Variants in DDX10 observed in about 807,000 individuals in gnomAD.
DDX10 encodes DEAD-box helicase 10.
In DDX10, 74 loss-of-function variants were observed where a neutral mutation model predicts 104.3. The observed-to-expected ratio is 0.71, with a 90% CI of 0.59 to 0.86. The LOEUF is 0.86. Ranked by LOEUF, DDX10 falls within the 40% of genes least tolerant of loss-of-function variation. The pLI is 0.00. For synonymous variants in DDX10, 351 were observed against 353.4 expected, an observed-to-expected ratio of 0.99 and a Z score of 0.08; for missense variants, 952 against 1,040.0, an observed-to-expected ratio of 0.92 and a Z score of 1.16.
intron 13 of DDX10, among the ~76,000 whole-genome samples, chr11:108,817,775 G>T (rs1161653795): frequency 6.6e-6 from 1 of 152,080 alleles, no homozygotes; most frequent in African/African-American, 2.4e-5. Flanking sequence ...AAAACAGGAG[G>T]GCATGCAAAG....
At chr11:108,744,522 T>C (rs2094329067) in intron 13 of DDX10, among the ~76,000 whole-genome samples, 2 of 152,180 alleles carry the variant, frequency 1.3e-5, no homozygotes, top group Non-Finnish European at 2.9e-5. Context: ...AAAATACTAT[T>C]GAGCCTTTAT....
At chr11:108,731,796 A>G (rs2094312639) in intron 13 of DDX10, among the ~76,000 whole-genome samples, 1 of 152,112 alleles carries the variant, frequency 6.6e-6, no homozygotes, top group South Asian at 2.1e-4. Context: ...TTTATTACCT[A>G]TTTTTAAGGA....
intron 5 of DDX10, among the ~76,000 whole-genome samples, chr11:108,679,063 T>C (rs1423595706): frequency 1.3e-5 from 2 of 151,950 alleles, no homozygotes; most frequent in African/African-American, 4.8e-5. Flanking sequence ...TTCACAATGT[T>C]GGCCAGGATG....
chr11:108,749,882 C>T (rs2094336330), intron 13 of DDX10, among the ~76,000 whole-genome samples: 1 of 152,066 alleles, frequency 6.6e-6, no homozygotes. Context: ...TGAAATTTTA[C>T]ATGTAATTTT....
intron 16 of DDX10, among the ~76,000 whole-genome samples, chr11:108,879,612 C>G (rs770912041): frequency 3.3e-5 from 5 of 152,042 alleles, no homozygotes; most frequent in Non-Finnish European, 7.4e-5. Flanking sequence ...GTTGAAGGCC[C>G]CAAAAGACAA....
At chr11:108,894,087 G>T (rs185068704) in intron 16 of DDX10, among the ~76,000 whole-genome samples, 1 of 152,120 alleles carries the variant, frequency 6.6e-6, no homozygotes, top group Admixed American at 6.5e-5. Context: ...CTGCACAAAT[G>T]AATTTTATGA....
In DDX10 at chr11:108,842,623, T is replaced by C. The variant is rs1254386515; in HGVS notation, c.2247+1147T>C. ...TGTTGAGAAAAGCATTCCAAAAATA[T>C]GGAGAACAGATGAACCTGAAACGTA... On this transcript the variant is annotated intron_variant, in intron 15 of 17. Coordinates refer to ENST00000322536, the MANE Select transcript of DDX10 (RefSeq NM_004398.4). Among the ~76,000 whole-genome samples, 3 of 152,310 alleles carry C rather than the reference T, an allele frequency of 2.0e-5. No homozygotes were observed. The East Asian group carries it at 5.8e-4, about 29-fold the overall frequency.
chr11:108,777,667 C>A (rs2094371878), intron 13 of DDX10, among the ~76,000 whole-genome samples: 1 of 152,108 alleles, frequency 6.6e-6, no homozygotes, highest in Non-Finnish European at 1.5e-5. Flanking sequence ...CACTCCTATT[C>A]AACATAGTGT....
At chr11:108,771,067 C>T (rs1287883852) in intron 13 of DDX10, among the ~76,000 whole-genome samples, 1 of 152,172 alleles carries the variant, frequency 6.6e-6, no homozygotes, top group African/African-American at 2.4e-5. Context: ...ATGATAACCT[C>T]ATTGTAGTTT....
intron 16 of DDX10, among the ~76,000 whole-genome samples, chr11:108,889,627 G>A (rs2059540): frequency 0.26 from 40,157 of 151,880 alleles, 6,347 homozygotes; most frequent in African/African-American, 0.43. Flanking sequence ...AGCTCACATT[G>A]TAAGTTGAAT....
chr11:108,670,503 G>A (rs767728740), intron 1 of DDX10, among the ~76,000 whole-genome samples: 5 of 152,170 alleles, frequency 3.3e-5, no homozygotes, highest in Non-Finnish European at 5.9e-5. Flanking sequence ...GCTGAGCCCC[G>A]CCATTGACTA....
intron 13 of DDX10, among the ~76,000 whole-genome samples, chr11:108,802,702 G>A (rs939972430): frequency 2.0e-5 from 3 of 152,264 alleles, no homozygotes; most frequent in Admixed American, 6.5e-5. Flanking sequence ...CATGGAAAAA[G>A]ACAGGTGTGT....
chr11:108,823,469 C>T (rs988019044), intron 13 of DDX10, among the ~76,000 whole-genome samples: 2 of 152,104 alleles, frequency 1.3e-5, no homozygotes, highest in South Asian at 2.1e-4. Context: ...TCCTCTTGGG[C>T]GGCTAAGTGG....
intron 13 of DDX10, among the ~76,000 whole-genome samples, chr11:108,769,036 T>C (rs916098960): frequency 5.9e-5 from 9 of 152,200 alleles, no homozygotes; most frequent in Non-Finnish European, 1.5e-5. Flanking sequence ...TCTTCTGGCA[T>C]GTGCTATAGC....
intron 16 of DDX10, among the ~76,000 whole-genome samples, chr11:108,883,402 G>C (rs1396989014): frequency 1.3e-5 from 2 of 152,084 alleles, no homozygotes; most frequent in Non-Finnish European, 2.9e-5. Flanking sequence ...TGCAGTTTAA[G>C]GCCAGCCTCT....
At chr11:108,733,109 C>CTT (rs750603316) in intron 13 of DDX10, among the ~76,000 whole-genome samples, 7 of 136,990 alleles carry the variant, frequency 5.1e-5, no homozygotes, top group African/African-American at 5.3e-5. Flanking sequence ...TTTAGTCCTA[C>CTT]TTTTTTTTTT....
chr11:108,858,837 G>A (rs1862904634), intron 16 of DDX10, among the ~76,000 whole-genome samples: 2 of 152,112 alleles, frequency 1.3e-5, no homozygotes, highest in Admixed American at 6.5e-5. Context: ...TACTGTATGG[G>A]TGGTAAAAGG....
chr11:108,894,082 C>A (rs1863410378), intron 16 of DDX10, among the ~76,000 whole-genome samples: 1 of 151,968 alleles, frequency 6.6e-6, no homozygotes, highest in Non-Finnish European at 1.5e-5. Flanking sequence ...TTTCACTGCA[C>A]AAATGAATTT....
chr11:108,729,311 G>C lies in DDX10; in HGVS notation c.1965+5849G>C, dbSNP rs1184461635. On this transcript the variant is annotated intron_variant, in intron 13 of 17. Coordinates refer to ENST00000322536, the MANE Select transcript of DDX10 (RefSeq NM_004398.4). ...CACAAATTCCTCCAGACCATATTCA[G>C]ATCTGCTCATCTCCATCCAGAGAGG... Among the ~76,000 whole-genome samples, 6 of 152,132 alleles carry C rather than the reference G, an allele frequency of 3.9e-5. 1 individual carries two copies. The highest frequency in any genetic ancestry group is 8.8e-5 in the Non-Finnish European group (6 of 68,030).
Sources: gnomAD v4.1 joint callset for allele counts (sites outside exome capture counted in the v4.1 genomes callset) on GRCh38, gnomAD v4.1.1 for gene constraint, MANE v1.5 for transcripts, NCBI Gene and HGNC (gene_info 2026-07-23, HGNC 2026-07-21) for gene names.